NCBP3: variants seen among roughly 807,000 people sequenced by gnomAD.
NCBP3 encodes nuclear cap-binding protein subunit 3.
A neutral mutation model predicts 75.7 loss-of-function variants in NCBP3; 20 were observed. The ratio of observed to expected loss-of-function variants is 0.26; its 90% CI spans 0.19 to 0.38. The LOEUF is 0.38. Among genes scored for constraint, NCBP3 ranks in the 10% least tolerant of loss-of-function variants. The pLI is 1.00. For missense variants in NCBP3, 678 were observed against 796.9 expected (o/e 0.85, Z 1.80); for synonymous variants, 293 against 290.5 (o/e 1.01, Z -0.09).
At chr17:3,825,631 G>T in intron 6 of NCBP3, 136 bp downstream of exon 6, 1 of 624,078 alleles carries the variant, frequency 1.6e-6, no homozygotes, top group Non-Finnish European at 2.8e-6. Context: ...TAAAGGACAA[G>T]AGCCTGGTGC....
intron 11 of NCBP3, 54 bp from the exon 12 acceptor site, chr17:3,814,537 A>T: frequency 6.3e-7 from 1 of 1,589,528 alleles, no homozygotes; most frequent in Non-Finnish European, 8.6e-7. Flanking sequence ...TATGCTCGGC[A>T]CCAGCCGCCT....
chr17:3,803,729 A>T lies in NCBP3; in HGVS notation c.*9315T>A, dbSNP rs901780498. On this transcript the variant is annotated 3_prime_UTR_variant, in exon 13 of 13. Transcript: ENST00000389005. ...TTCAAAATAAAGTTTTAAATATTTT[A>T]AAAAATTTTTTTCTTTCTCCCCTTG... 3.3e-5 allele frequency: 5 copies of T among 152,354 alleles called. No individual in the cohort carries two copies. Among genetic ancestry groups the T allele is most frequent in the African/African-American group, 4.8e-5 (2 of 41,582 alleles). 9.4% of individuals were successfully genotyped at this position (152,354 alleles called of 1,614,324 possible).
intron 11 of NCBP3, 100 bp from the exon 12 acceptor site, chr17:3,814,583 C>T (rs559029418): frequency 1.1e-5 from 14 of 1,229,746 alleles, no homozygotes; most frequent in Middle Eastern, 2.8e-4. Context: ...ACCCCTGCCC[C>T]GAGGACACAG....
At position 3,816,151 on chromosome 17, in the gene NCBP3, G is replaced by A. The variant is rs1339384744; in HGVS notation, c.1430C>T (p.Ser477Phe). The change falls in exon 11 of 13, where the codon TCC becomes TTC. Residue 477 changes from serine to phenylalanine, a missense_variant. Transcript: ENST00000389005. ...RHLLDEKRQH[S>F]RPRPPVSSTK... ...ACTGCTGACTGGTGGCCGTGGACGGGAGTGCTGACGTTTCTCATCTAATAG... is the reference window on the plus strand; with the variant it reads ...ACTGCTGACTGGTGGCCGTGGACGGAAGTGCTGACGTTTCTCATCTAATAG... 5 of 1,614,044 alleles carry A rather than the reference G, an allele frequency of 3.1e-6. No individual in the cohort carries two copies. Among genetic ancestry groups the A allele is most frequent in the Non-Finnish European group, 4.2e-6 (5 of 1,180,024 alleles).
At chr17:3,813,315 A>G (rs964604478) in intron 12 of NCBP3, 36 bp from the exon 13 acceptor site, 1 of 1,610,048 alleles carries the variant, frequency 6.2e-7, no homozygotes, top group African/African-American at 1.3e-5. Context: ...TTTCGCAGTC[A>G]GCGCTAAGAA....
chr17:3,841,602 C>CT (rs373561293), intron 2 of NCBP3, among the ~76,000 whole-genome samples: 18,991 of 117,918 alleles, frequency 0.16, 1,597 homozygotes, highest in Non-Finnish European at 0.19. Flanking sequence ...AATTCTCTCT[C>CT]TTTTTTTTTT....
At chr17:3,832,499 CAGG>C (rs2053899998) in intron 3 of NCBP3, among the ~76,000 whole-genome samples, 1 of 119,172 alleles carries the variant, frequency 8.4e-6, no homozygotes, top group African/African-American at 2.5e-5. Context: ...GGTGTGGTGG[CAGG>C]CACCTGTAGT....
chr17:3,840,283 G>A (rs556429754), intron 2 of NCBP3, 78 bp from the exon 3 acceptor site: 26 of 1,145,846 alleles, frequency 2.3e-5, no homozygotes, highest in African/African-American at 1.5e-4. Flanking sequence ...TGATGCATCA[G>A]TGACAAACCT....
intron 1 of NCBP3, 43 bp downstream of exon 1, chr17:3,845,998 T>C: frequency 1.3e-6 from 2 of 1,528,518 alleles, no homozygotes; most frequent in Non-Finnish European, 1.8e-6. Context: ...CGCTAGACAC[T>C]AGCCCCGCGA....
At chr17:3,839,089 C>A (rs1012932359) in intron 3 of NCBP3, among the ~76,000 whole-genome samples, 1 of 152,146 alleles carries the variant, frequency 6.6e-6, no homozygotes, top group African/African-American at 2.4e-5. Flanking sequence ...TAAATAAGAA[C>A]ATAGACTCAC....
intron 3 of NCBP3, among the ~76,000 whole-genome samples, chr17:3,836,236 C>T (rs56336185): frequency 0.19 from 28,896 of 152,198 alleles, 3,092 homozygotes; most frequent in Non-Finnish European, 0.23. Context: ...ACTTAAATGA[C>T]GGCTGGGAAG....
At chr17:3,814,209 A>G in intron 12 of NCBP3, 113 bp downstream of exon 12, 1 of 1,038,810 alleles carries the variant, frequency 9.6e-7, no homozygotes, top group Non-Finnish European at 1.4e-6. Flanking sequence ...ATAATCACTT[A>G]TATTTGGCGT....
intron 10 of NCBP3, among the ~76,000 whole-genome samples, chr17:3,816,705 C>T (rs925946432): frequency 1.2e-4 from 19 of 152,224 alleles, no homozygotes; most frequent in Non-Finnish European, 2.2e-4. Context: ...GTGCCAGCAC[C>T]GTTCCGGCAG....
At chr17:3,815,357 A>G (rs1217712136) in intron 11 of NCBP3, among the ~76,000 whole-genome samples, 1 of 152,166 alleles carries the variant, frequency 6.6e-6, no homozygotes. Context: ...CAACTTCCCG[A>G]GTAGATCTAT....
chr17:3,823,429 A>T (rs973946709), intron 7 of NCBP3, among the ~76,000 whole-genome samples: 1 of 152,198 alleles, frequency 6.6e-6, no homozygotes, highest in African/African-American at 2.4e-5. Flanking sequence ...TTCTAAACTG[A>T]TGTAAATAAA....
Position 3,810,316 on chromosome 17 carries a change from G to A in NCBP3, c.*2728C>T, listed in dbSNP as rs2053389598. 6.6e-6 allele frequency: 1 copy of A among 152,220 alleles called. No individual in the cohort carries two copies. The highest frequency in any genetic ancestry group is 2.4e-5 in the African/African-American group (1 of 41,426). The allele number at this position is 152,220 out of a possible 1,614,324, so 9.4% of individuals were successfully genotyped here. A position where few individuals can be genotyped will look rare whatever the true frequency, so the allele number is the denominator to read the frequency against. ...GTTCACAGGATCAGACTACAAGGGG[G>A]CCAGAGGAGGAGACTACATCCTGAG... is the stretch of plus-strand genomic sequence containing the variant. On this transcript the variant is annotated 3_prime_UTR_variant, in exon 13 of 13. Transcript: ENST00000389005.
intron 3 of NCBP3, among the ~76,000 whole-genome samples, chr17:3,839,322 T>C (rs2054026551): frequency 6.6e-6 from 1 of 152,146 alleles, no homozygotes; most frequent in Non-Finnish European, 1.5e-5. Flanking sequence ...GGTTTACATA[T>C]ATCAGATATT....
chr17:3,826,695 A>AGAAGGAAGGAAGGAAGGAAGGAAG lies in NCBP3; in HGVS notation c.482-504_482-481dup, dbSNP rs375511950. 8.7e-3 allele frequency among the ~76,000 whole-genome samples: 1,264 copies of AGAAGGAAGGAAGGAAGGAAGGAAG among 146,044 alleles called. 8 individuals carry two copies. Among genetic ancestry groups the AGAAGGAAGGAAGGAAGGAAGGAAG allele is most frequent in the South Asian group, 0.021 (98 of 4,652 alleles). ...AAGAAAGAGAAAGAGAGACAGAAAG[A>AGAAGGAAGGAAGGAAGGAAGGAAG]GAAGGAAGGAAGGAAGGAAGGAAGG... On this transcript the variant is annotated intron_variant, in intron 4 of 12. Transcript: ENST00000389005.
intron 4 of NCBP3, 49 bp from the exon 5 acceptor site, chr17:3,826,264 C>A (rs1425795801): frequency 1.3e-6 from 2 of 1,492,500 alleles, no homozygotes; most frequent in Admixed American, 2.3e-5. Context: ...AAATGGTAAG[C>A]TTCTTGAGAG....
Sources: gnomAD v4.1 joint callset for allele counts (sites outside exome capture counted in the v4.1 genomes callset) on GRCh38, gnomAD v4.1.1 for gene constraint, MANE v1.5 for transcripts, NCBI Gene and HGNC (gene_info 2026-07-23, HGNC 2026-07-21) for gene names.